CHSY3: variants seen among roughly 807,000 people sequenced by gnomAD.
CHSY3 encodes the protein N-acetylgalactosaminyl-proteoglycan 3-beta-glucuronosyltransferase 3.
CHSY3 carries 35 observed loss-of-function variants against 67.2 expected under a neutral mutation model. The observed-to-expected ratio is 0.52, with a 90% CI of 0.40 to 0.69. The LOEUF (loss-of-function observed/expected upper bound fraction) is 0.69, where lower values mean the gene tolerates loss of function less well. CHSY3 is among the 30% of genes least tolerant of loss of function. CHSY3 has a pLI of 0.00. For synonymous variants in CHSY3, 474 were observed against 434.7 expected, an observed-to-expected ratio of 1.09 and a Z score of -1.12; for missense variants, 1,069 against 1,138.5, an observed-to-expected ratio of 0.94 and a Z score of 0.88.
intron 2 of CHSY3, among the ~76,000 whole-genome samples, chr5:130,143,828 A>ATATATG (rs1768988968): frequency 7.7e-6 from 1 of 130,328 alleles, no homozygotes; most frequent in Non-Finnish European, 1.6e-5. Context: ...ATATATATAT[A>ATATATG]TATATATATA....
rs751498256 is a variant in CHSY3 at position 130,185,181 on chromosome 5, A to C, written c.2039A>C (p.Lys680Thr). 1.9e-6 allele frequency: 3 copies of C among 1,609,302 alleles called. No individual in the cohort carries two copies. The highest frequency in any genetic ancestry group is 2.6e-6 in the Non-Finnish European group (3 of 1,175,636). ...HIELIKGYQN[K>T]YPKAEMTLIP... ...GAGCTGATAAAAGGGTACCAGAACA[A>C]GTACCCCAAAGCAGAAATGACCCTG... Residue 680 changes from lysine (K) to threonine (T), a missense_variant, in exon 3 of 3, where the codon AAG (lysine) becomes ACG (threonine). Lys to Thr is a moderately conservative substitution (Grantham distance 78). Transcript: ENST00000305031.
intron 2 of CHSY3, among the ~76,000 whole-genome samples, chr5:130,048,403 A>G (rs548524899): frequency 2.0e-5 from 3 of 152,108 alleles, no homozygotes; most frequent in African/African-American, 4.8e-5. Flanking sequence ...TTATTATTTT[A>G]TAGTTTGAAA....
chr5:130,053,282 G>T (rs573029613), intron 2 of CHSY3, among the ~76,000 whole-genome samples: 21 of 152,232 alleles, frequency 1.4e-4, no homozygotes, highest in African/African-American at 4.8e-4. Context: ...TATAGACAAT[G>T]AGGGCAGAGT....
At chr5:130,007,027 G>A (rs970170053) in intron 2 of CHSY3, among the ~76,000 whole-genome samples, 3 of 152,100 alleles carry the variant, frequency 2.0e-5, no homozygotes, top group Non-Finnish European at 2.9e-5. Context: ...AAAGCACTTA[G>A]GTGATATTCA....
intron 2 of CHSY3, among the ~76,000 whole-genome samples, chr5:129,985,541 T>G (rs1164177138): frequency 6.6e-6 from 1 of 152,108 alleles, no homozygotes; most frequent in African/African-American, 2.4e-5. Context: ...ATTTCTGAAT[T>G]ATTTTTTCAC....
intron 2 of CHSY3, among the ~76,000 whole-genome samples, chr5:130,158,134 G>A (rs961058019): frequency 9.2e-5 from 14 of 152,196 alleles, no homozygotes; most frequent in African/African-American, 3.1e-4. Context: ...TTTGTTACAT[G>A]TATGTTGTGC....
chr5:130,128,931 G>T (rs1580763213), intron 2 of CHSY3, among the ~76,000 whole-genome samples: 2 of 144,572 alleles, frequency 1.4e-5, no homozygotes, highest in Admixed American at 6.9e-5. Flanking sequence ...AAAATGTGAG[G>T]TTTTTTTTTT....
At chr5:130,097,514 G>T (rs1767088435) in intron 2 of CHSY3, among the ~76,000 whole-genome samples, 1 of 152,196 alleles carries the variant, frequency 6.6e-6, no homozygotes, top group African/African-American at 2.4e-5. Flanking sequence ...GCTACTGCAG[G>T]ATTCCACTAC....
At chr5:130,099,396 C>T (rs1767155559) in intron 2 of CHSY3, among the ~76,000 whole-genome samples, 1 of 152,132 alleles carries the variant, frequency 6.6e-6, no homozygotes, top group Non-Finnish European at 1.5e-5. Context: ...TGTCCTTTTA[C>T]TAGAGCTGGA....
At chr5:130,034,306 A>G (rs1334215114) in intron 2 of CHSY3, among the ~76,000 whole-genome samples, 2 of 152,122 alleles carry the variant, frequency 1.3e-5, no homozygotes, top group African/African-American at 2.4e-5. Context: ...TGATTCTCCT[A>G]TGAAAGACTC....
At chr5:130,091,484 A>G (rs1766879811) in intron 2 of CHSY3, among the ~76,000 whole-genome samples, 2 of 152,320 alleles carry the variant, frequency 1.3e-5, no homozygotes, top group Admixed American at 1.3e-4. Context: ...ACAGCTATGG[A>G]TAGCTTAAAT....
intron 2 of CHSY3, among the ~76,000 whole-genome samples, chr5:130,052,361 G>C (rs1031297280): frequency 6.6e-6 from 1 of 152,138 alleles, no homozygotes; most frequent in African/African-American, 2.4e-5. Flanking sequence ...GAAGACTTGT[G>C]ATCAGGTACC....
intron 2 of CHSY3, among the ~76,000 whole-genome samples, chr5:130,108,893 A>G (rs1415255468): frequency 1.3e-5 from 2 of 151,760 alleles, no homozygotes; most frequent in African/African-American, 4.8e-5. Context: ...TCTATTAAAT[A>G]TAAGGCAAAT....
chr5:130,179,547 T>A (rs929634038), intron 2 of CHSY3, among the ~76,000 whole-genome samples: 4 of 152,158 alleles, frequency 2.6e-5, no homozygotes, highest in Non-Finnish European at 5.9e-5. Flanking sequence ...TTTCTTTATT[T>A]CTTTGTTCTT....
intron 2 of CHSY3, among the ~76,000 whole-genome samples, chr5:130,162,673 T>G (rs1769592251): frequency 6.6e-6 from 1 of 152,132 alleles, no homozygotes; most frequent in Admixed American, 6.5e-5. Context: ...TAGCTAGGAC[T>G]ACAGGTGCCT....
chr5:129,963,281 C>T (rs1306895086), intron 2 of CHSY3, among the ~76,000 whole-genome samples: 1 of 151,934 alleles, frequency 6.6e-6, no homozygotes, highest in Non-Finnish European at 1.5e-5. Flanking sequence ...CATCTACTAC[C>T]TTGGTTGATA....
chr5:130,083,688 G>A (rs947486277), intron 2 of CHSY3, among the ~76,000 whole-genome samples: 31 of 151,912 alleles, frequency 2.0e-4, no homozygotes, highest in Admixed American at 6.6e-4. Flanking sequence ...TCTCCAATGC[G>A]TCTTTCTAAA....
At chr5:129,913,373 A>G (rs1325688927) in intron 2 of CHSY3, among the ~76,000 whole-genome samples, 3 of 152,248 alleles carry the variant, frequency 2.0e-5, no homozygotes, top group African/African-American at 7.2e-5. Context: ...TGAGAGGCAT[A>G]TTTAAAATAC....
chr5:130,014,683 A>G (rs1408490347), intron 2 of CHSY3, among the ~76,000 whole-genome samples: 3 of 152,200 alleles, frequency 2.0e-5, no homozygotes, highest in East Asian at 3.8e-4. Context: ...GCCAGACCAT[A>G]TCAACCATAT....
Sources: gnomAD v4.1 joint callset for allele counts (sites outside exome capture counted in the v4.1 genomes callset) on GRCh38, gnomAD v4.1.1 for gene constraint, MANE v1.5 for transcripts, NCBI Gene and HGNC (gene_info 2026-07-23, HGNC 2026-07-21) for gene names.